Variants in RXFP2 observed in about 807,000 individuals in gnomAD.
The protein encoded by RXFP2 is relaxin family peptide receptor 2.
A neutral mutation model predicts 88.6 loss-of-function variants in RXFP2; 68 were observed. The observed-to-expected ratio is 0.77, with a 90% confidence interval of 0.63 to 0.94. RXFP2 has a LOEUF of 0.94. RXFP2 is among the 40% of genes least tolerant of loss of function. The probability of loss-of-function intolerance (pLI) is 0.00; values close to 1 mark genes in which losing one functional copy is unlikely to be tolerated. For missense variants in RXFP2, 791 were observed against 893.9 expected (o/e 0.88, Z 1.47); for synonymous variants, 329 against 306.8 (o/e 1.07, Z -0.76).
chr13:31,777,892 A>G (rs1873069853), intron 8 of RXFP2, among the ~76,000 whole-genome samples: 1 of 152,232 alleles, frequency 6.6e-6, no homozygotes, highest in South Asian at 2.1e-4. Context: ...GAGCTGTCTC[A>G]CAATAATATT....
chr13:31,759,050 A>AG (rs1156948548), intron 2 of RXFP2, among the ~76,000 whole-genome samples: 2 of 151,442 alleles, frequency 1.3e-5, no homozygotes, highest in Non-Finnish European at 2.9e-5. Context: ...TCCATCTCAA[A>AG]AAAAAAAAAA....
At chr13:31,753,427 C>T (rs911331872) in intron 1 of RXFP2, among the ~76,000 whole-genome samples, 3 of 152,222 alleles carry the variant, frequency 2.0e-5, no homozygotes, top group East Asian at 3.9e-4. Context: ...AATTCTCTGT[C>T]GTATGTTCGA....
chr13:31,793,502 GAGATATCTGAATGGAAATACCA>G (rs1873891491), intron 16 of RXFP2, among the ~76,000 whole-genome samples: 1 of 151,198 alleles, frequency 6.6e-6, no homozygotes, highest in Non-Finnish European at 1.5e-5. Context: ...TGACAAGTAA[GAGATATCTGAATGGAAATACCA>G]GGAAGGTTTA....
At chr13:31,769,645 T>A (rs567999997) in intron 5 of RXFP2, among the ~76,000 whole-genome samples, 3 of 152,356 alleles carry the variant, frequency 2.0e-5, no homozygotes, top group Non-Finnish European at 4.4e-5. Flanking sequence ...CTATGTGCCC[T>A]ATGATTATAT....
chr13:31,781,544 A>G (rs1384353565), intron 9 of RXFP2, 127 bp from the exon 10 acceptor site: 7 of 619,080 alleles, frequency 1.1e-5, no homozygotes, highest in East Asian at 5.9e-5. Flanking sequence ...CCTTGCAATA[A>G]TTAGGAGGAA....
intron 6 of RXFP2, 26 bp from the exon 7 acceptor site, chr13:31,775,292 A>G (rs377348015): frequency 1.7e-5 from 27 of 1,572,936 alleles, no homozygotes; most frequent in South Asian, 5.5e-5. Context: ...GAGTTTGCCT[A>G]ATTAACTCAC....
At chr13:31,795,972 GTTTAA>G (rs1874016068) in intron 16 of RXFP2, among the ~76,000 whole-genome samples, 1 of 141,774 alleles carries the variant, frequency 7.1e-6, no homozygotes, top group African/African-American at 2.6e-5. Flanking sequence ...AACCACAGTA[GTTTAA>G]TTTACTGTAA....
intron 1 of RXFP2, among the ~76,000 whole-genome samples, chr13:31,743,200 C>T (rs994381284): frequency 1.3e-5 from 2 of 152,126 alleles, no homozygotes; most frequent in Non-Finnish European, 2.9e-5. Flanking sequence ...TGAGGCCATA[C>T]GCAGTGGCTC....
intron 11 of RXFP2, among the ~76,000 whole-genome samples, chr13:31,783,186 T>C (rs1039383740): frequency 3.1e-4 from 47 of 152,346 alleles, no homozygotes; most frequent in African/African-American, 1.0e-3. Flanking sequence ...TTATGACTTA[T>C]ATAGCAGGTG....
In RXFP2 at chr13:31,761,673, A is replaced by G. The variant is rs1872307393; in HGVS notation, c.242-51A>G. 7.5e-6 allele frequency: 9 copies of G among 1,195,898 alleles called. No homozygotes were observed. In the East Asian group the frequency reaches 2.1e-4, roughly 28 times the overall value. The allele number at this position is 1,195,898 out of a possible 1,614,324, so 74.1% of individuals were successfully genotyped here. A position where few individuals can be genotyped will look rare whatever the true frequency, so the allele number is the denominator to read the frequency against. On this transcript the variant is annotated intron_variant, in intron 2 of 17. Coordinates refer to ENST00000298386, the MANE Select transcript of RXFP2 (RefSeq NM_130806.5). ...TTACCAAATTGTTAAATTTTGTCAG[A>G]TGGTATTTAGTTTCTAGAATAAGTG...
rs1469534656 is a variant in RXFP2, at chr13:31,765,256, C to T, written c.425+114C>T. The T allele has an allele frequency of 7.2e-6, 5 of 695,682 alleles. No individual in the cohort carries two copies. The Admixed American group carries it at 8.4e-5, about 12-fold the overall frequency. 43.1% of individuals were successfully genotyped at this position (695,682 alleles called of 1,614,324 possible). ...AAAATAATAGAAACCCTGTTTAAAA[C>T]TACCAGTCATCAGAGAATTCTCCAT... On this transcript the variant is annotated intron_variant, in intron 4 of 17. Coordinates refer to ENST00000298386, the MANE Select transcript of RXFP2 (RefSeq NM_130806.5).
At position 31,765,035 on chromosome 13, in the gene RXFP2, A is replaced by ACT; in HGVS notation, c.320-2_320-1insCT. ...GAAATCTTACTCTTTTTGTCCCATT[A>ACT]GTTCTAAAACAGTATCCACAATGCT... On this transcript the variant is annotated splice_acceptor_variant, in intron 3 of 17. Transcript: ENST00000298386. LOFTEE classifies it high-confidence loss of function. 1 of 1,522,680 alleles carries ACT rather than the reference A, an allele frequency of 6.6e-7. No homozygotes were observed. Among genetic ancestry groups the ACT allele is most frequent in the South Asian group, 1.1e-5 (1 of 89,252 alleles). 94.3% of individuals were successfully genotyped at this position (1,522,680 alleles called of 1,614,324 possible). A position where few individuals can be genotyped will look rare whatever the true frequency, so the allele number is the denominator to read the frequency against.
chr13:31,759,333 T>C (rs1872139308), intron 2 of RXFP2, among the ~76,000 whole-genome samples: 1 of 130,450 alleles, frequency 7.7e-6, no homozygotes. Context: ...ACTTCAAGGA[T>C]GTAACCAGAG....
Position 31,758,057 on chromosome 13 carries a change from G to C in RXFP2, c.95-201G>C, listed in dbSNP as rs537000949. Among the ~76,000 whole-genome samples the C allele has an allele frequency of 4.6e-5, 7 of 152,274 alleles. No homozygotes were observed. The East Asian group carries it at 1.3e-3, about 29-fold the overall frequency. On this transcript the variant is annotated intron_variant, in intron 1 of 17. Transcript: ENST00000298386. ...CAGTGAGCTGAGATCGTGCACTCCA[G>C]CCTGGCAACAGAGCAAGACTCCGTC...
intron 9 of RXFP2, among the ~76,000 whole-genome samples, chr13:31,779,324 C>A (rs921021623): frequency 1.3e-5 from 2 of 151,996 alleles, no homozygotes; most frequent in African/African-American, 2.4e-5. Flanking sequence ...TGGGGTTTCA[C>A]CATGTTGGCC....
At chr13:31,747,581 G>A (rs2138385698) in intron 1 of RXFP2, among the ~76,000 whole-genome samples, 1 of 152,208 alleles carries the variant, frequency 6.6e-6, no homozygotes. Flanking sequence ...TACAGAAACG[G>A]CATTGCTATT....
At chr13:31,796,022 TG>T (rs1337794709) in intron 16 of RXFP2, among the ~76,000 whole-genome samples, 1 of 151,266 alleles carries the variant, frequency 6.6e-6, no homozygotes, top group Non-Finnish European at 1.5e-5. Flanking sequence ...AATACATTTT[TG>T]TTCTATGTGT....
chr13:31,795,036 A>G (rs1413883591), intron 16 of RXFP2, among the ~76,000 whole-genome samples: 1 of 152,188 alleles, frequency 6.6e-6, no homozygotes, highest in African/African-American at 2.4e-5. Flanking sequence ...TTTATTTGAA[A>G]ATAGTTTTCA....
chr13:31,787,564 A>C (rs1483555654), intron 13 of RXFP2, among the ~76,000 whole-genome samples: 1 of 152,210 alleles, frequency 6.6e-6, no homozygotes, highest in Non-Finnish European at 1.5e-5. Context: ...CCTTCCTGAA[A>C]GTCAAAGTAG....
Sources: gnomAD v4.1 joint callset for allele counts (sites outside exome capture counted in the v4.1 genomes callset) on GRCh38, gnomAD v4.1.1 for gene constraint, MANE v1.5 for transcripts, NCBI Gene and HGNC (gene_info 2026-07-23, HGNC 2026-07-21) for gene names.